Variants in ZNF407 observed in about 807,000 individuals in gnomAD.
The protein encoded by ZNF407 is zinc finger protein 407.
In ZNF407, 17 loss-of-function variants were observed where a neutral mutation model predicts 131.2. That is an observed-to-expected ratio of 0.13 (90% CI 0.09 to 0.19). The LOEUF is 0.19. Among genes scored for constraint, ZNF407 ranks in the 10% least tolerant of loss-of-function variants. The pLI is 1.00. For missense variants in ZNF407, 2,681 were observed against 2,830.6 expected (o/e 0.95, Z 1.20); for synonymous variants, 1,156 against 1,062.0 (o/e 1.09, Z -1.72).
intron 8 of ZNF407, among the ~76,000 whole-genome samples, chr18:74,957,169 G>T (rs946655863): frequency 2.0e-5 from 3 of 152,060 alleles, no homozygotes; most frequent in Non-Finnish European, 4.4e-5. Context: ...ACTCCAGGAT[G>T]CCTCCTACCC....
chr18:74,598,779 A>G (rs1982436258), intron 1 of ZNF407, among the ~76,000 whole-genome samples: 3 of 152,228 alleles, frequency 2.0e-5, no homozygotes, highest in Admixed American at 6.5e-5. Flanking sequence ...GCCAGCTAGC[A>G]CGCCCTGGGT....
chr18:74,616,859 ACACCACACG>A (rs1983315450), intron 1 of ZNF407, among the ~76,000 whole-genome samples: 1 of 95,614 alleles, frequency 1.0e-5, no homozygotes, highest in African/African-American at 4.3e-5. Context: ...CCATATCCAC[ACACCACACG>A]CATCCATATC....
At position 74,703,301 on chromosome 18, in the gene ZNF407, C is replaced by T. The variant is rs1163280915; in HGVS notation, c.4802+62179C>T. On this transcript the variant is annotated intron_variant, in intron 3 of 8. Coordinates refer to ENST00000299687, the MANE Select transcript of ZNF407 (RefSeq NM_017757.3). The surrounding 1 kb of genome is among the most constrained non-coding windows in gnomAD (Gnocchi z 4.1). ...ACAGCCTAGATGAGACGACCCATTACAGAGCTACCACAGAGAGTTTTAGAT... is the reference window on the plus strand; with the variant it reads ...ACAGCCTAGATGAGACGACCCATTATAGAGCTACCACAGAGAGTTTTAGAT... Among the ~76,000 whole-genome samples, 1 of 152,186 alleles carries T rather than the reference C, an allele frequency of 6.6e-6. No individual in the cohort carries two copies. Among genetic ancestry groups the T allele is most frequent in the East Asian group, 1.9e-4 (1 of 5,192 alleles).
At chr18:75,010,703 C>T (rs905578332) in intron 8 of ZNF407, among the ~76,000 whole-genome samples, 4 of 152,112 alleles carry the variant, frequency 2.6e-5, no homozygotes, top group African/African-American at 4.8e-5. Context: ...CAACTCCTGC[C>T]GTTGTCTTGT....
intron 3 of ZNF407, among the ~76,000 whole-genome samples, chr18:74,655,521 T>C (rs890966155): frequency 1.3e-5 from 2 of 152,104 alleles, no homozygotes; most frequent in African/African-American, 4.8e-5. Flanking sequence ...AGTACCAGTA[T>C]TGACTCTTAT....
At chr18:74,629,224 T>C (rs1016438372) in intron 1 of ZNF407, among the ~76,000 whole-genome samples, 1 of 152,236 alleles carries the variant, frequency 6.6e-6, no homozygotes, top group Non-Finnish European at 1.5e-5. Flanking sequence ...ACGCTTGTTA[T>C]CTGATTTTTT....
At chr18:74,971,494 C>G (rs1459225313) in intron 8 of ZNF407, among the ~76,000 whole-genome samples, 2 of 152,188 alleles carry the variant, frequency 1.3e-5, no homozygotes, top group East Asian at 3.9e-4. Context: ...CTCTCAAGTT[C>G]AAAGTTCCAC....
At chr18:74,984,283 T>C (rs537421938) in intron 8 of ZNF407, among the ~76,000 whole-genome samples, 5 of 152,174 alleles carry the variant, frequency 3.3e-5, no homozygotes, top group African/African-American at 4.8e-5. Context: ...CTGCCGCTGC[T>C]CACTGCAACT....
At chr18:74,810,731 A>G (rs1970181600) in intron 4 of ZNF407, among the ~76,000 whole-genome samples, 1 of 152,192 alleles carries the variant, frequency 6.6e-6, no homozygotes, top group African/African-American at 2.4e-5. Flanking sequence ...GACAAACCTG[A>G]GAAAAATAAG....
chr18:74,640,338 T>C (rs1357349520), intron 2 of ZNF407, among the ~76,000 whole-genome samples: 1 of 152,188 alleles, frequency 6.6e-6, no homozygotes, highest in Admixed American at 6.5e-5. Flanking sequence ...TGTTGAAATA[T>C]TTGTTCTTGA....
chr18:75,040,690 C>T (rs561530584), intron 8 of ZNF407, among the ~76,000 whole-genome samples: 3 of 152,304 alleles, frequency 2.0e-5, no homozygotes, highest in Admixed American at 2.0e-4. Flanking sequence ...AAGTTGCCCA[C>T]TGCGTAACTC....
At chr18:74,789,564 CTCTG>C (rs781252990) in intron 4 of ZNF407, among the ~76,000 whole-genome samples, 12 of 152,270 alleles carry the variant, frequency 7.9e-5, no homozygotes, top group African/African-American at 2.6e-4. Context: ...TCGTCTTTTC[CTCTG>C]TCTGTAAGAG....
chr18:75,040,290 G>A (rs2122239087), intron 8 of ZNF407, among the ~76,000 whole-genome samples: 1 of 152,158 alleles, frequency 6.6e-6, no homozygotes, highest in African/African-American at 2.4e-5. Context: ...GTGTGAGTAG[G>A]CTGTTGATAT....
intron 3 of ZNF407, among the ~76,000 whole-genome samples, chr18:74,746,030 G>A (rs1277710293): frequency 1.3e-5 from 2 of 152,150 alleles, no homozygotes; most frequent in East Asian, 3.9e-4. Context: ...ACATCATGGA[G>A]TGTATTTACA....
At chr18:74,801,990 T>TA (rs551343560) in intron 4 of ZNF407, among the ~76,000 whole-genome samples, 88 of 149,132 alleles carry the variant, frequency 5.9e-4, no homozygotes, top group Middle Eastern at 3.5e-3. Context: ...TCAGAATTCT[T>TA]AAAAAAAAAA....
rs762258297 is a variant in ZNF407, at chr18:74,635,310, G to A, written c.4291G>A (p.Val1431Ile). The A allele has an allele frequency of 1.2e-6, 2 of 1,614,016 alleles. No homozygotes were observed. Among genetic ancestry groups the A allele is most frequent in the South Asian group, 1.1e-5 (1 of 91,072 alleles). ...FLADGLSGLN[V>I]HIAMKHPTKE... ...AGCAGATGGACTGAGTGGACTGAATGTTCACATAGCCATGAAGCATCCTAC... is the reference window on the plus strand; with the variant it reads ...AGCAGATGGACTGAGTGGACTGAATATTCACATAGCCATGAAGCATCCTAC... Residue 1431 changes from valine to isoleucine, a missense_variant, in exon 2 of 9, where the codon GTT becomes ATT. Val to Ile is a conservative substitution (Grantham distance 29, BLOSUM62 3). Around this residue, in one of 6 missense-constraint regions of ZNF407, gnomAD observed 1,789 missense variants for 1,748.7 expected, o/e 1.02. Coordinates refer to ENST00000299687, the MANE Select transcript of ZNF407 (RefSeq NM_017757.3). The surrounding 1 kb of genome is among the most constrained non-coding windows in gnomAD (Gnocchi z 4.7).
At chr18:74,751,370 A>T (rs564407771) in intron 3 of ZNF407, among the ~76,000 whole-genome samples, 109 of 151,964 alleles carry the variant, frequency 7.2e-4, no homozygotes, top group African/African-American at 1.8e-3. Context: ...TCTTTTTTTT[A>T]AAATTTATTT....
chr18:74,636,219 T>C (rs940732090), intron 2 of ZNF407, among the ~76,000 whole-genome samples: 1 of 152,252 alleles, frequency 6.6e-6, no homozygotes, highest in African/African-American at 2.4e-5. Context: ...GTCACCACTT[T>C]CCAAAGTTAA....
intron 4 of ZNF407, among the ~76,000 whole-genome samples, chr18:74,822,305 A>G (rs1372940900): frequency 2.0e-5 from 3 of 151,854 alleles, no homozygotes; most frequent in Non-Finnish European, 2.9e-5. Context: ...TTTTGTTGCC[A>G]TTGCTTTTGG....
Sources: gnomAD v4.1 joint callset for allele counts (sites outside exome capture counted in the v4.1 genomes callset) on GRCh38, gnomAD v4.1.1 for gene constraint, gnomAD v4.1.1 regional missense constraint, Gnocchi (gnomAD v3.1) non-coding constraint, MANE v1.5 for transcripts, NCBI Gene and HGNC (gene_info 2026-07-23, HGNC 2026-07-21) for gene names.